The following ALK variants were observed in gnomAD, a reference collection of about 807,000 sequenced individuals.
ALK encodes the protein ALK tyrosine kinase receptor.
Under a neutral mutation model 163.1 loss-of-function variants are expected in ALK, and 74 were observed. That is an observed-to-expected ratio of 0.45 (90% confidence interval 0.38 to 0.55). The LOEUF is 0.55. Ranked by LOEUF, ALK falls within the 20% of genes least tolerant of loss-of-function variation. ALK has a pLI of 0.00. For synonymous variants in ALK, 960 were observed against 843.2 expected, an observed-to-expected ratio of 1.14 and a Z score of -2.40; for missense variants, 2,063 against 2,105.3, an observed-to-expected ratio of 0.98 and a Z score of 0.39.
intron 5 of ALK, among the ~76,000 whole-genome samples, chr2:29,381,417 T>C (rs993241425): frequency 6.6e-6 from 1 of 152,278 alleles, no homozygotes; most frequent in Admixed American, 6.5e-5. Flanking sequence ...GCATGGCCTC[T>C]GTCTTGATGA....
At chr2:29,463,330 G>A (rs1671131418) in intron 4 of ALK, among the ~76,000 whole-genome samples, 1 of 152,154 alleles carries the variant, frequency 6.6e-6, no homozygotes, top group Non-Finnish European at 1.5e-5. Flanking sequence ...CACAGAAAAT[G>A]ATGACTGCTG....
intron 3 of ALK, among the ~76,000 whole-genome samples, chr2:29,691,607 T>A (rs1237020225): frequency 2.0e-5 from 3 of 152,204 alleles, no homozygotes; most frequent in Admixed American, 2.0e-4. Flanking sequence ...GGGATCCAGC[T>A]TCATAAAAAC....
intron 1 of ALK, among the ~76,000 whole-genome samples, chr2:29,821,833 T>C (rs952423624): frequency 6.6e-6 from 1 of 152,144 alleles, no homozygotes; most frequent in Non-Finnish European, 1.5e-5. Flanking sequence ...AAAATCAATC[T>C]TGTCTGAACT....
intron 4 of ALK, among the ~76,000 whole-genome samples, chr2:29,465,039 A>C (rs1671175321): frequency 1.3e-5 from 2 of 152,244 alleles, no homozygotes; most frequent in African/African-American, 4.8e-5. Context: ...AGATTTCCAA[A>C]TTTGTTGAAA....
intron 3 of ALK, among the ~76,000 whole-genome samples, chr2:29,594,820 G>T (rs1034061066): frequency 2.8e-5 from 4 of 142,252 alleles, no homozygotes; most frequent in South Asian, 4.5e-4. Flanking sequence ...GGTGTGTGTG[G>T]GGGTTCTCTT....
intron 3 of ALK, among the ~76,000 whole-genome samples, chr2:29,616,890 GC>G (rs1279218048): frequency 6.6e-6 from 1 of 152,140 alleles, no homozygotes; most frequent in African/African-American, 2.4e-5. Context: ...CTAAAGCCCT[GC>G]CCCAAAGTGA....
chr2:29,664,164 A>G (rs1001452531), intron 3 of ALK, among the ~76,000 whole-genome samples: 11 of 152,166 alleles, frequency 7.2e-5, no homozygotes, highest in Non-Finnish European at 1.5e-4. Flanking sequence ...TAGCCCACTA[A>G]AATCTCACAT....
At chr2:29,508,891 C>G (rs540630334) in intron 4 of ALK, among the ~76,000 whole-genome samples, 1 of 151,950 alleles carries the variant, frequency 6.6e-6, no homozygotes, top group East Asian at 1.9e-4. Flanking sequence ...GTCTCCCAAG[C>G]GTGCCCAGTC....
At chr2:29,850,974 T>C (rs1202083883) in intron 1 of ALK, among the ~76,000 whole-genome samples, 1 of 152,192 alleles carries the variant, frequency 6.6e-6, no homozygotes, top group Non-Finnish European at 1.5e-5. Flanking sequence ...CTTTGTCTTG[T>C]CCTCTCACCC....
intron 3 of ALK, among the ~76,000 whole-genome samples, chr2:29,563,172 A>T (rs1162175672): frequency 6.6e-6 from 1 of 152,234 alleles, no homozygotes; most frequent in Non-Finnish European, 1.5e-5. Context: ...ATTCATTTCA[A>T]ATTCAATGTA....
At chr2:29,654,053 G>A (rs1319246789) in intron 3 of ALK, among the ~76,000 whole-genome samples, 1 of 152,106 alleles carries the variant, frequency 6.6e-6, no homozygotes, top group East Asian at 1.9e-4. Flanking sequence ...GCAAGACTCT[G>A]TTGCAGTAAC....
intron 5 of ALK, among the ~76,000 whole-genome samples, chr2:29,364,680 C>T (rs1267914610): frequency 6.6e-6 from 1 of 152,154 alleles, no homozygotes; most frequent in African/African-American, 2.4e-5. Flanking sequence ...CTGGGTGAGG[C>T]CATCCTTGTA....
At chr2:29,816,366 C>A (rs894024485) in intron 1 of ALK, among the ~76,000 whole-genome samples, 1 of 152,034 alleles carries the variant, frequency 6.6e-6, no homozygotes, top group African/African-American at 2.4e-5. Context: ...GTTGTTGCAT[C>A]GATGAGATAC....
chr2:29,643,227 TAA>T (rs1259391613), intron 3 of ALK, among the ~76,000 whole-genome samples: 1 of 152,052 alleles, frequency 6.6e-6, no homozygotes, highest in Non-Finnish European at 1.5e-5. Flanking sequence ...GGGCAGGTAT[TAA>T]AGTTTCCAGG....
chr2:29,709,512 A>G (rs1292521903), intron 2 of ALK, among the ~76,000 whole-genome samples: 1 of 152,200 alleles, frequency 6.6e-6, no homozygotes, highest in Admixed American at 6.5e-5. Context: ...AAAAGGAAAC[A>G]AGATGTGAAT....
chr2:29,614,720 T>C (rs1675793291), intron 3 of ALK, among the ~76,000 whole-genome samples: 1 of 152,182 alleles, frequency 6.6e-6, no homozygotes. Flanking sequence ...CCCCAGGTCA[T>C]GTCTGATTAC....
intron 1 of ALK, among the ~76,000 whole-genome samples, chr2:29,720,372 T>C (rs1418901462): frequency 4.6e-5 from 7 of 152,054 alleles, no homozygotes; most frequent in African/African-American, 9.7e-5. Context: ...CAGGGTTGAA[T>C]ATTGCAGGGT....
chr2:29,530,132 C>T lies in ALK; in HGVS notation c.1154+1783G>A, dbSNP rs149649088. Among the ~76,000 whole-genome samples the T allele has an allele frequency of 3.5e-3, 499 of 141,804 alleles. 4 individuals are homozygous for T. Among genetic ancestry groups the T allele is most frequent in the African/African-American group, 0.013 (482 of 38,068 alleles). The allele number at this position is 141,804 out of a possible 152,430, so 93.0% of individuals were successfully genotyped here. A position where few individuals can be genotyped will look rare whatever the true frequency, so the allele number is the denominator to read the frequency against. On this transcript the variant is annotated intron_variant, in intron 4 of 28. Transcript: ENST00000389048. The stretch of plus-strand genomic sequence containing the variant: ...TTTCTCTTTCCCAACTCCACCCTTT[C>T]TCCCTAAGAGGCTTCAGGTCTCCTG...
intron 3 of ALK, among the ~76,000 whole-genome samples, chr2:29,643,965 A>G (rs893723672): frequency 2.0e-5 from 3 of 152,122 alleles, no homozygotes; most frequent in African/African-American, 7.2e-5. Flanking sequence ...TTATTGTGGC[A>G]CTATTCACAA....
Sources: gnomAD v4.1 joint callset for allele counts (sites outside exome capture counted in the v4.1 genomes callset) on GRCh38, gnomAD v4.1.1 for gene constraint, MANE v1.5 for transcripts, NCBI Gene and HGNC (gene_info 2026-07-23, HGNC 2026-07-21) for gene names.